MUSK: variants seen among roughly 807,000 people sequenced by gnomAD.
MUSK encodes the protein muscle associated receptor tyrosine kinase.
MUSK carries 55 observed loss-of-function variants against 88.7 expected under a neutral mutation model. The ratio of observed to expected loss-of-function variants is 0.62; its 90% CI spans 0.50 to 0.78. The LOEUF is 0.78. Ranked by LOEUF, MUSK falls within the 30% of genes least tolerant of loss-of-function variation. The probability of loss-of-function intolerance (pLI) is 0.00; values close to 1 mark genes in which losing one functional copy is unlikely to be tolerated. For missense variants in MUSK, 1,015 were observed against 1,074.3 expected, an observed-to-expected ratio of 0.94 and a Z score of 0.77; for synonymous variants, 387 against 391.9, an observed-to-expected ratio of 0.99 and a Z score of 0.15.
chr9:110,761,877 A>G lies in MUSK; in HGVS notation c.914-325A>G, dbSNP rs557140225. The G allele has an allele frequency of 1.5e-3, 1,490 of 985,018 alleles. 3 individuals are homozygous for G. Among genetic ancestry groups the G allele is most frequent in the Non-Finnish European group, 1.6e-3 (1,312 of 829,660 alleles). The allele number at this position is 985,018 out of a possible 1,614,324, so 61.0% of individuals were successfully genotyped here. ...GCGTGAGCCACCGCGCCCGGCCCAC[A>G]TCTTGATTTCTTAATGTAAAGTCCC... is the stretch of plus-strand genomic sequence containing the variant. On this transcript the variant is annotated intron_variant, in intron 7 of 14. Coordinates refer to ENST00000374448, the MANE Select transcript of MUSK (RefSeq NM_005592.4).
chr9:110,691,716 T>C (rs1380460530), intron 3 of MUSK, among the ~76,000 whole-genome samples: 6 of 152,164 alleles, frequency 3.9e-5, no homozygotes, highest in Admixed American at 6.6e-5. Context: ...GGAATTTAGG[T>C]CTACTTGGGA....
rs934482797 is a variant in MUSK at position 110,726,666 on chromosome 9, A to G, written c.629-7585A>G. 7.0e-4 allele frequency among the ~76,000 whole-genome samples: 107 copies of G among 152,122 alleles called. 2 individuals carry two copies. Among genetic ancestry groups the G allele is most frequent in the Admixed American group, 6.9e-3 (106 of 15,254 alleles). On this transcript the variant is annotated intron_variant, in intron 5 of 14. Transcript: ENST00000374448. ...CAGAATAAAGACACTTAATATCCCT[A>G]TAAAAACACCATGGCCATCCCAACC...
chr9:110,716,202 A>G (rs2076741358), intron 5 of MUSK, among the ~76,000 whole-genome samples: 1 of 150,150 alleles, frequency 6.7e-6, no homozygotes, highest in Admixed American at 6.6e-5. Flanking sequence ...CAAAAACTGC[A>G]ATTACTTTTT....
intron 7 of MUSK, among the ~76,000 whole-genome samples, chr9:110,749,680 G>T (rs923336242): frequency 2.0e-5 from 3 of 152,206 alleles, no homozygotes; most frequent in African/African-American, 4.8e-5. Context: ...TCTTCCAGGT[G>T]TCTCAAAAAG....
intron 7 of MUSK, among the ~76,000 whole-genome samples, chr9:110,759,820 A>G (rs2077373369): frequency 6.6e-6 from 1 of 152,150 alleles, no homozygotes. Context: ...GTCAAAACAT[A>G]ACAGATGCTG....
At position 110,801,318 on chromosome 9, in the gene MUSK, T is replaced by C. The variant is rs1357619792; in HGVS notation, c.*330T>C. On this transcript the variant is annotated 3_prime_UTR_variant, in exon 15 of 15. Transcript: ENST00000374448. The stretch of plus-strand genomic sequence containing the variant: ...AAAGTAGCTGGTCACAGAGTAAAGC[T>C]CTGCTGTATTAAATTTTAATATGAA... 5.1e-6 allele frequency: 1 copy of C among 197,186 alleles called. No homozygotes were observed. Among genetic ancestry groups the C allele is most frequent in the Non-Finnish European group, 1.0e-5 (1 of 98,212 alleles). The allele number at this position is 197,186 out of a possible 1,614,324, so 12.2% of individuals were successfully genotyped here.
At chr9:110,767,086 A>C (rs1428245826) in intron 8 of MUSK, among the ~76,000 whole-genome samples, 2 of 152,224 alleles carry the variant, frequency 1.3e-5, no homozygotes, top group African/African-American at 4.8e-5. Flanking sequence ...TGGCCCATTA[A>C]CACACAATAA....
At chr9:110,689,138 A>AAACTATATATTTATATAAAATATAAATT (rs2131676917) in intron 3 of MUSK, among the ~76,000 whole-genome samples, 1 of 131,968 alleles carries the variant, frequency 7.6e-6, no homozygotes, top group East Asian at 2.2e-4. Flanking sequence ...CTACATAAAT[A>AAACTATATATTTATATAAAATATAAATT]AACTATATAT....
At chr9:110,689,398 TG>T (rs1483719537) in intron 3 of MUSK, among the ~76,000 whole-genome samples, 3 of 113,042 alleles carry the variant, frequency 2.7e-5, no homozygotes, top group Admixed American at 1.0e-4. Context: ...TAAAAATATG[TG>T]AAAAATACAT....
chr9:110,757,004 TTGAAA>T (rs1485562394), intron 7 of MUSK, among the ~76,000 whole-genome samples: 2 of 152,102 alleles, frequency 1.3e-5, no homozygotes, highest in South Asian at 4.2e-4. Context: ...CTGTGAGTAG[TTGAAA>T]TGAAAATACT....
At chr9:110,676,698 C>A (rs1012961229) in intron 1 of MUSK, among the ~76,000 whole-genome samples, 24 of 152,076 alleles carry the variant, frequency 1.6e-4, no homozygotes, top group African/African-American at 5.8e-4. Flanking sequence ...TGGCTTCCAG[C>A]TCTATCCATG....
At chr9:110,777,530 G>A (rs2077689156) in intron 11 of MUSK, among the ~76,000 whole-genome samples, 1 of 151,948 alleles carries the variant, frequency 6.6e-6, no homozygotes, top group Non-Finnish European at 1.5e-5. Flanking sequence ...CTATTATTCT[G>A]GTAGCCTGTC....
At chr9:110,738,828 A>G (rs560650540) in intron 6 of MUSK, among the ~76,000 whole-genome samples, 1 of 152,278 alleles carries the variant, frequency 6.6e-6, no homozygotes, top group South Asian at 2.1e-4. Context: ...ATGATTCTTC[A>G]GAAATCAGGG....
intron 7 of MUSK, among the ~76,000 whole-genome samples, chr9:110,760,291 C>G (rs1351263620): frequency 6.6e-6 from 1 of 152,086 alleles, no homozygotes; most frequent in Non-Finnish European, 1.5e-5. Flanking sequence ...TTCATAATAG[C>G]CAAGATGTGG....
chr9:110,752,469 T>C (rs1369910325), intron 7 of MUSK, among the ~76,000 whole-genome samples: 1 of 152,258 alleles, frequency 6.6e-6, no homozygotes, highest in Non-Finnish European at 1.5e-5. Flanking sequence ...CCGATGAGGC[T>C]GGCCAGAAGT....
chr9:110,783,330 A>G (rs1267829331), intron 11 of MUSK, among the ~76,000 whole-genome samples: 1 of 152,088 alleles, frequency 6.6e-6, no homozygotes, highest in Non-Finnish European at 1.5e-5. Context: ...ACTGGAACAT[A>G]TTATAAATAT....
At chr9:110,708,042 A>G (rs1441248779) in intron 5 of MUSK, among the ~76,000 whole-genome samples, 1 of 152,228 alleles carries the variant, frequency 6.6e-6, no homozygotes, top group East Asian at 1.9e-4. Context: ...TTGCAGACAT[A>G]TGAAATAGGT....
Position 110,708,370 on chromosome 9 carries a change from C to T in MUSK, c.628+10904C>T, listed in dbSNP as rs552303839. 2.5e-4 allele frequency among the ~76,000 whole-genome samples: 38 copies of T among 152,178 alleles called. No individual in the cohort carries two copies. In the East Asian group the frequency reaches 2.5e-3, roughly 10 times the overall value. The stretch of plus-strand genomic sequence containing the variant: ...CAGAGAGAGGTATTTAAAACCCCAC[C>T]GTGTGCTGTGCTCTCAGTGATTGCA... On this transcript the variant is annotated intron_variant, in intron 5 of 14. Transcript: ENST00000374448.
At chr9:110,680,148 C>T (rs1273241911) in intron 1 of MUSK, among the ~76,000 whole-genome samples, 5 of 151,956 alleles carry the variant, frequency 3.3e-5, no homozygotes, top group Admixed American at 1.3e-4. Flanking sequence ...AAATTATTAC[C>T]TAAGCTAGCT....
Sources: allele counts gnomAD v4.1 joint callset (sites outside exome capture counted in the v4.1 genomes callset), GRCh38; gene constraint gnomAD v4.1.1; transcripts MANE v1.5; gene names NCBI Gene and HGNC (gene_info 2026-07-23, HGNC 2026-07-21).